The following SMTN variants were observed in gnomAD, a reference collection of about 807,000 sequenced individuals.
SMTN encodes smoothelin.
In SMTN, 58 loss-of-function variants were observed where a neutral mutation model predicts 102.0. That is an observed-to-expected ratio of 0.57 (90% CI 0.46 to 0.71). The LOEUF is 0.71. Among genes scored for constraint, SMTN ranks in the 30% least tolerant of loss-of-function variants. The pLI, the probability that SMTN is intolerant of heterozygous loss-of-function variation, is 0.00. For missense variants in SMTN, 1,185 were observed against 1,241.7 expected, an observed-to-expected ratio of 0.95 and a Z score of 0.69; for synonymous variants, 478 against 497.9, an observed-to-expected ratio of 0.96 and a Z score of 0.53.
At position 31,104,449 on chromosome 22, in the gene SMTN, C is replaced by T. The variant is rs147948249; in HGVS notation, c.*154C>T. ...CCTGCGACGCCACGAACTGCGCCTG[C>T]GCGGCAAGAATGTCTAGCCTGCCCG... On this transcript the variant is annotated 3_prime_UTR_variant, in exon 21 of 21. Coordinates refer to ENST00000333137, the MANE Select transcript of SMTN (RefSeq NM_134269.3). 2.8e-5 allele frequency: 45 copies of T among 1,613,746 alleles called. No individual in the cohort carries two copies. The highest frequency in any genetic ancestry group is 3.2e-5 in the Non-Finnish European group (38 of 1,180,022).
intron 1 of SMTN, chr22:31,064,454 G>C (rs543070381): frequency 2.0e-5 from 3 of 152,168 alleles, no homozygotes; most frequent in Non-Finnish European, 4.4e-5. Flanking sequence ...GATAGCATCC[G>C]AAAGAATTAA....
At chr22:31,075,982 C>T (rs192123849) in intron 1 of SMTN, among the ~76,000 whole-genome samples, 2 of 152,288 alleles carry the variant, frequency 1.3e-5, no homozygotes, top group South Asian at 2.1e-4. Flanking sequence ...GCACTGCCTC[C>T]GTGCCATTTG....
intron 20 of SMTN, chr22:31,101,266 A>G: frequency 1.9e-6 from 1 of 536,770 alleles, no homozygotes; most frequent in South Asian, 2.6e-5. Context: ...GTGATGGGGG[A>G]AGCCCAGGGG....
In SMTN at chr22:31,099,357, T is replaced by G. The variant is rs1415459533; in HGVS notation, c.2451+178T>G. 5.0e-6 allele frequency: 3 copies of G among 599,918 alleles called. No individual in the cohort carries two copies. The African/African-American group carries it at 5.6e-5, about 11-fold the overall frequency. The allele number at this position is 599,918 out of a possible 1,614,324, so 37.2% of individuals were successfully genotyped here. A position where few individuals can be genotyped will look rare whatever the true frequency, so the allele number is the denominator to read the frequency against. Reference sequence around the variant, plus strand: ...CTCAAAGAGGACACAAGGCAAGCCCTAGATTCCAGAATCAGTGATGAAGTA... The same window carrying G: ...CTCAAAGAGGACACAAGGCAAGCCCGAGATTCCAGAATCAGTGATGAAGTA... On this transcript the variant is annotated intron_variant, in intron 18 of 20. Transcript: ENST00000333137.
Position 31,091,393 on chromosome 22 carries a change from T to A in SMTN, c.1370T>A (p.Met457Lys). ...GGCACTGCCGAGCCAGGGGGCAGTA[T>A]GAAGACCACATTCACCATCGAGATC... ...AVGTAEPGGS[M>K]KTTFTIEIKD... Residue 457 changes from methionine to lysine, a missense_variant, in exon 10 of 21, where the codon ATG becomes AAG. This residue lies in a region of SMTN where 1,096 missense variants were observed against 1,112.7 expected (regional missense o/e 0.98). Coordinates refer to ENST00000333137, the MANE Select transcript of SMTN (RefSeq NM_134269.3). The A allele has an allele frequency of 1.3e-6, 2 of 1,594,338 alleles. No individual in the cohort carries two copies. Among genetic ancestry groups the A allele is most frequent in the Non-Finnish European group, 1.7e-6 (2 of 1,174,112 alleles).
At chr22:31,081,027 A>G (rs2042268801), upstream of SMTN, among the ~76,000 whole-genome samples, 1 of 151,756 alleles carries the variant, frequency 6.6e-6, no homozygotes, top group African/African-American at 2.4e-5. Context: ...CTACGACCCC[A>G]GGAAACTTAC....
Position 31,091,508 on chromosome 22 carries a change from A to G in SMTN, c.1459+26A>G, listed in dbSNP as rs375529285. Reference sequence around the variant, plus strand: ...GTAGGCGCCCCCCACTGCCTCCCCAATGGGGATGAGTGCCTGCAACCGCAC... The same window carrying G: ...GTAGGCGCCCCCCACTGCCTCCCCAGTGGGGATGAGTGCCTGCAACCGCAC... On this transcript the variant is annotated intron_variant, in intron 10 of 20. Coordinates refer to ENST00000333137, the MANE Select transcript of SMTN (RefSeq NM_134269.3). 1.6e-4 allele frequency: 243 copies of G among 1,515,582 alleles called. 1 individual carries two copies. In the South Asian group the frequency reaches 2.1e-3, roughly 13 times the overall value. The allele number at this position is 1,515,582 out of a possible 1,614,324, so 93.9% of individuals were successfully genotyped here.
chr22:31,081,974 C>T (rs1296449351), intron 1 of SMTN, among the ~76,000 whole-genome samples: 2 of 152,110 alleles, frequency 1.3e-5, no homozygotes, highest in South Asian at 2.1e-4. Flanking sequence ...GAGGTTGACA[C>T]CTCTGAGCCT....
chr22:31,074,772 G>A (rs1481698003), intron 1 of SMTN, among the ~76,000 whole-genome samples: 2 of 152,014 alleles, frequency 1.3e-5, no homozygotes, highest in Non-Finnish European at 2.9e-5. Flanking sequence ...ACTCCAGCCT[G>A]GGTGACAAGA....
intron 1 of SMTN, chr22:31,066,054 A>G (rs935043684): frequency 1.1e-4 from 16 of 151,986 alleles, no homozygotes. Context: ...CCCTTATCCT[A>G]CTTGCCAAGC....
rs763053737 is a variant in SMTN at position 31,099,832 on chromosome 22, G to A, written c.2539G>A (p.Asp847Asn). ...GCACAACTTCTTCCCTGAGGCCTTC[G>A]ACTATGGGCAGCTTAGCCCTCAGAA... The part of the protein sequence containing the change: ...LVHNFFPEAF[D>N]YGQLSPQNRR... Residue 847 changes from aspartate (D) to asparagine (N), a missense_variant, in exon 19 of 21, where the codon GAC (aspartate) becomes AAC (asparagine). This residue lies in a region of SMTN where 89 missense variants were observed against 128.9 expected (regional missense o/e 0.69). Coordinates refer to ENST00000333137, the MANE Select transcript of SMTN (RefSeq NM_134269.3). The A allele has an allele frequency of 1.8e-5, 29 of 1,613,960 alleles. No individual in the cohort carries two copies. The highest frequency in any genetic ancestry group is 1.6e-4 in the Middle Eastern group (1 of 6,080).
At position 31,091,681 on chromosome 22, in the gene SMTN, C is replaced by T. The variant is rs1481438008; in HGVS notation, c.1466C>T (p.Thr489Ile). The T allele has an allele frequency of 3.2e-5, 51 of 1,592,382 alleles. No individual in the cohort carries two copies. The highest frequency in any genetic ancestry group is 4.1e-5 in the Non-Finnish European group (48 of 1,165,916). The change falls in exon 11 of 21, where the codon ACA becomes ATA. Residue 489 changes from threonine (T) to isoleucine (I), a missense_variant. Coordinates refer to ENST00000333137, the MANE Select transcript of SMTN (RefSeq NM_134269.3). Reference sequence around the variant, plus strand: ...CACCTTTCTCCCCACTCAGAACTGACACTGGGGCTGCGGGCGCCCCCGACC... The same window carrying T: ...CACCTTTCTCCCCACTCAGAACTGATACTGGGGCTGCGGGCGCCCCCGACC... ...LPTGNQRAELTLGLRAPPTLL... is the reference protein window; with the variant it reads ...LPTGNQRAELILGLRAPPTLL...
Position 31,096,898 on chromosome 22 carries a change from G to C in SMTN, c.2026+1G>C. ...AAGACTGAGCGGCTCGTCCACTCCAGTAAGGGGCCAAATGGGGCCGGCCCA... is the reference window on the plus strand; with the variant it reads ...AAGACTGAGCGGCTCGTCCACTCCACTAAGGGGCCAAATGGGGCCGGCCCA... On this transcript the variant is annotated splice_donor_variant, in intron 14 of 20. Transcript: ENST00000333137. LOFTEE classifies it high-confidence loss of function. 1 of 1,599,484 alleles carries C rather than the reference G, an allele frequency of 6.3e-7. No homozygotes were observed. Among genetic ancestry groups the C allele is most frequent in the Non-Finnish European group, 8.5e-7 (1 of 1,171,518 alleles).
intron 18 of SMTN, 172 bp from the exon 19 acceptor site, chr22:31,099,573 G>A: frequency 3.0e-6 from 2 of 677,874 alleles, no homozygotes; most frequent in Non-Finnish European, 4.9e-6. Flanking sequence ...GCAAATATGG[G>A]AGTTGACAGG....
At chr22:31,098,914 G>C (rs1262060470) in intron 17 of SMTN, 74 bp downstream of exon 17, 1 of 1,553,230 alleles carries the variant, frequency 6.4e-7, no homozygotes, top group East Asian at 2.3e-5. Context: ...TTGATAGTTG[G>C]CCCGGCAGAG....
At chr22:31,070,384 C>T (rs939601791) in intron 1 of SMTN, among the ~76,000 whole-genome samples, 3 of 152,128 alleles carry the variant, frequency 2.0e-5, no homozygotes, top group Non-Finnish European at 4.4e-5. Flanking sequence ...CCCATCCAAA[C>T]CCCACTTCTC....
chr22:31,070,743 T>C (rs11705352), intron 1 of SMTN, among the ~76,000 whole-genome samples: 1 of 151,146 alleles, frequency 6.6e-6, no homozygotes, highest in Non-Finnish European at 1.5e-5. Context: ...GGCCAACATC[T>C]TGAAACCCCG....
intron 2 of SMTN, chr22:31,085,386 C>A (rs1213606957): frequency 1.7e-6 from 2 of 1,172,152 alleles, no homozygotes; most frequent in African/African-American, 1.6e-5. Flanking sequence ...CCACCGCCGG[C>A]GGGACCCCCA....
In SMTN at chr22:31,088,942, A is replaced by T; in HGVS notation, c.444A>T (p.Leu148=). ...NSGSREDSKG[L]AAHRLEQCEV... is the part of the protein sequence containing the mutation. ...GCTCAAGAGAGGACAGCAAGGGGCT[A>T]GCGGCACACAGGCTGGAACAGTGTG... The change falls in exon 6 of 21, where the codon CTA becomes CTT. Residue 148 remains leucine (L), a synonymous_variant. Coordinates refer to ENST00000333137, the MANE Select transcript of SMTN (RefSeq NM_134269.3). The T allele has an allele frequency of 6.2e-7, 1 of 1,613,780 alleles. No individual in the cohort carries two copies. The highest frequency in any genetic ancestry group is 1.7e-4 in the Middle Eastern group (1 of 6,058).
Sources: allele counts gnomAD v4.1 joint callset (sites outside exome capture counted in the v4.1 genomes callset), GRCh38; gene constraint gnomAD v4.1.1; regional missense constraint gnomAD v4.1.1; transcripts MANE v1.5; gene names NCBI Gene and HGNC (gene_info 2026-07-23, HGNC 2026-07-21).